The following SAMD12 variants were observed in gnomAD, a reference collection of about 807,000 sequenced individuals.
The protein encoded by SAMD12 is sterile alpha motif domain containing 12, also known as sterile alpha motif domain-containing protein 12.
SAMD12 carries 9 observed loss-of-function variants against 15.0 expected under a neutral mutation model. That is an observed-to-expected ratio of 0.60 (90% CI 0.36 to 1.05). The LOEUF (loss-of-function observed/expected upper bound fraction) is 1.05. Among genes scored for constraint, SAMD12 ranks in the 50% least tolerant of loss-of-function variants. The probability of loss-of-function intolerance (pLI) is 0.01; values close to 1 mark genes in which losing one functional copy is unlikely to be tolerated. For synonymous variants in SAMD12, 86 were observed against 90.1 expected (o/e 0.96, Z 0.25); for missense variants, 230 against 234.2 (o/e 0.98, Z 0.12).
intron 3 of SAMD12, 48 bp downstream of exon 3, chr8:118,439,784 C>T: frequency 6.3e-7 from 1 of 1,592,246 alleles, no homozygotes; most frequent in South Asian, 1.1e-5. Flanking sequence ...GCTATCGTGA[C>T]TGGGAGAAAG....
At chr8:118,171,487 A>C in the SAMD12 span, among the ~76,000 whole-genome samples, 3 of 152,246 alleles carry the variant, frequency 2.0e-5, no homozygotes, top group Admixed American at 6.5e-5. Flanking sequence ...CCATACAGTG[A>C]AGTATTACTT....
chr8:118,394,600 G>A (rs1023253248), intron 3 of SAMD12, among the ~76,000 whole-genome samples: 1 of 152,162 alleles, frequency 6.6e-6, no homozygotes, highest in South Asian at 2.1e-4. Context: ...CCCATATTGC[G>A]TTTTCATGTA....
intron 1 of SAMD12, among the ~76,000 whole-genome samples, chr8:118,585,829 G>A (rs1427718691): frequency 6.6e-6 from 1 of 152,134 alleles, no homozygotes; most frequent in East Asian, 1.9e-4. Flanking sequence ...ACAGTAACAG[G>A]CTACCTGGAA....
intron 3 of SAMD12, among the ~76,000 whole-genome samples, chr8:118,389,892 A>C (rs1033006957): frequency 6.6e-6 from 1 of 152,226 alleles, no homozygotes; most frequent in Non-Finnish European, 1.5e-5. Flanking sequence ...TCCCAATTTA[A>C]AATTGGCTAA....
chr8:118,357,900 C>T (rs1207359609), intron 4 of SAMD12, among the ~76,000 whole-genome samples: 10 of 152,122 alleles, frequency 6.6e-5, no homozygotes, highest in Admixed American at 6.5e-4. Flanking sequence ...AATCTCAGCA[C>T]TTTGGGAGAC....
Position 118,335,525 on chromosome 8 carries a change from C to T in SAMD12, c.433+44035G>A, listed in dbSNP as rs536779755. On this transcript the variant is annotated intron_variant, in intron 4 of 4. Transcript: ENST00000409003. ...TTCTCCCACAACCTGGTGTGACACACTAAATGCTTTCCCCTTTTATCTTGC... is the reference window on the plus strand; with the variant it reads ...TTCTCCCACAACCTGGTGTGACACATTAAATGCTTTCCCCTTTTATCTTGC... Among the ~76,000 whole-genome samples the T allele has an allele frequency of 2.6e-5, 4 of 152,298 alleles. No homozygotes were observed. In the East Asian group the frequency reaches 7.7e-4, roughly 29 times the overall value.
At chr8:118,324,284 A>G (rs989357392) in intron 4 of SAMD12, among the ~76,000 whole-genome samples, 2 of 152,220 alleles carry the variant, frequency 1.3e-5, no homozygotes, top group Non-Finnish European at 2.9e-5. Flanking sequence ...ATTAAAAAGC[A>G]TACCAGGGAG....
At chr8:118,411,553 T>C (rs1319619294) in intron 3 of SAMD12, among the ~76,000 whole-genome samples, 1 of 152,168 alleles carries the variant, frequency 6.6e-6, no homozygotes, top group East Asian at 1.9e-4. Context: ...AAGTAGGGCT[T>C]TGAAAAATCT....
intron 4 of SAMD12, among the ~76,000 whole-genome samples, chr8:118,315,659 G>C (rs1209303136): frequency 6.6e-6 from 1 of 152,142 alleles, no homozygotes; most frequent in East Asian, 1.9e-4. Flanking sequence ...AAACCTCACA[G>C]CATTTTAGAT....
At chr8:118,474,335 T>A (rs1013292148) in intron 2 of SAMD12, among the ~76,000 whole-genome samples, 1 of 152,166 alleles carries the variant, frequency 6.6e-6, no homozygotes, top group Non-Finnish European at 1.5e-5. Context: ...CCATCCTCAT[T>A]ATCTAATGAA....
chr8:118,291,791 T>A (rs1224597609), intron 4 of SAMD12, among the ~76,000 whole-genome samples: 2 of 151,268 alleles, frequency 1.3e-5, no homozygotes, highest in African/African-American at 4.8e-5. Flanking sequence ...CCTGTTGCCC[T>A]GATACCTCCT....
intron 3 of SAMD12, among the ~76,000 whole-genome samples, chr8:118,430,455 C>T (rs750162523): frequency 3.1e-4 from 47 of 152,044 alleles, no homozygotes; most frequent in Non-Finnish European, 6.0e-4. Flanking sequence ...CTCCGCCTCC[C>T]AGGTTCAAGC....
intron 4 of SAMD12, among the ~76,000 whole-genome samples, chr8:118,283,972 T>C (rs962767161): frequency 3.3e-5 from 5 of 152,170 alleles, no homozygotes; most frequent in Non-Finnish European, 7.3e-5. Flanking sequence ...CACCCTAGAA[T>C]AAACTGTATC....
intron 3 of SAMD12, among the ~76,000 whole-genome samples, chr8:118,392,784 C>T (rs528187962): frequency 6.6e-6 from 1 of 152,284 alleles, no homozygotes; most frequent in Non-Finnish European, 1.5e-5. Flanking sequence ...ACCTTATGCA[C>T]TGCAGGATGC....
At chr8:118,222,579 C>T (rs981278452) in intron 4 of SAMD12, among the ~76,000 whole-genome samples, 4 of 152,148 alleles carry the variant, frequency 2.6e-5, no homozygotes, top group African/African-American at 9.7e-5. Context: ...AATCTCAGCT[C>T]ACTGTAACCT....
intron 2 of SAMD12, among the ~76,000 whole-genome samples, chr8:118,515,124 T>C (rs546533231): frequency 6.6e-6 from 1 of 151,870 alleles, no homozygotes; most frequent in Non-Finnish European, 1.5e-5. Context: ...GTTCACGCCA[T>C]TCTCCTGCCT....
chr8:118,293,434 C>G (rs534162524), intron 4 of SAMD12, among the ~76,000 whole-genome samples: 95 of 152,258 alleles, frequency 6.2e-4, no homozygotes, highest in African/African-American at 2.1e-3. Flanking sequence ...AGTGGTGACA[C>G]AGGCTAGGCA....
chr8:118,549,104 C>A (rs1439555516), intron 2 of SAMD12, among the ~76,000 whole-genome samples: 1 of 152,240 alleles, frequency 6.6e-6, no homozygotes, highest in African/African-American at 2.4e-5. Context: ...GGGCAGGGCA[C>A]AGACAAACAA....
At chr8:118,351,627 A>G (rs1307289907) in intron 4 of SAMD12, among the ~76,000 whole-genome samples, 4 of 152,302 alleles carry the variant, frequency 2.6e-5, no homozygotes. Flanking sequence ...TACACTAGTT[A>G]GACTAAGAAA....
Sources: allele counts gnomAD v4.1 joint callset (sites outside exome capture counted in the v4.1 genomes callset), GRCh38; gene constraint gnomAD v4.1.1; transcripts MANE v1.5; gene names NCBI Gene and HGNC (gene_info 2026-07-23, HGNC 2026-07-21).